Variants in CNR2 observed in about 807,000 individuals in gnomAD.
CNR2 encodes cannabinoid receptor 2, also known as cannabinoid receptor 2 (macrophage).
For missense variants in CNR2, 379 were observed against 439.9 expected (o/e 0.86, Z 1.24); for synonymous variants, 172 against 182.2 (o/e 0.94, Z 0.45).
intron 1 of CNR2, among the ~76,000 whole-genome samples, chr1:23,901,053 T>C (rs1253205848): frequency 6.6e-6 from 1 of 151,922 alleles, no homozygotes; most frequent in African/African-American, 2.4e-5. Flanking sequence ...TTTTTAATTG[T>C]AGGCAACCTT....
At chr1:23,889,709 G>A (rs1640153575) in intron 1 of CNR2, among the ~76,000 whole-genome samples, 1 of 152,116 alleles carries the variant, frequency 6.6e-6, no homozygotes, top group African/African-American at 2.4e-5. Flanking sequence ...TTAGCATGTT[G>A]GATCACAATG....
chr1:23,895,216 G>GA (rs934799373), intron 1 of CNR2, among the ~76,000 whole-genome samples: 12 of 150,656 alleles, frequency 8.0e-5, no homozygotes, highest in African/African-American at 9.7e-5. Flanking sequence ...GCAAAACTCA[G>GA]AAAAAAAAAG....
Position 23,888,158 on chromosome 1 carries a change from C to T in CNR2, c.-45-12496G>A, listed in dbSNP as rs572249343. On this transcript the variant is annotated intron_variant, in intron 1 of 1. Coordinates refer to ENST00000374472, the MANE Select transcript of CNR2 (RefSeq NM_001841.3). The stretch of plus-strand genomic sequence containing the variant: ...GGCTCAGACTTTCAGGACACATGTC[C>T]ACTGAGCCAGTGTACACCTTAAATA... Among the ~76,000 whole-genome samples, 25 of 152,288 alleles carry T rather than the reference C, an allele frequency of 1.6e-4. 1 individual carries two copies. In the South Asian group the frequency reaches 4.8e-3, roughly 29 times the overall value.
chr1:23,878,528 C>A (rs2148458210), intron 1 of CNR2, among the ~76,000 whole-genome samples: 1 of 151,970 alleles, frequency 6.6e-6, no homozygotes, highest in South Asian at 2.1e-4. Context: ...TACAGGTGTG[C>A]ACCACCATGC....
chr1:23,891,574 A>G (rs2502964), intron 1 of CNR2, among the ~76,000 whole-genome samples: 122,955 of 145,052 alleles, frequency 0.85, 52,153 homozygotes, highest in Admixed American at 0.86. Context: ...AGCCGAGATC[A>G]TGCCATTGCA....
In CNR2 at chr1:23,899,972, AG is replaced by A. The variant is rs369541769; in HGVS notation, c.-46+13273del. 5.6e-3 allele frequency among the ~76,000 whole-genome samples: 28 copies of A among 4,966 alleles called. No individual in the cohort carries two copies. The East Asian group carries it at 0.23, about 40-fold the overall frequency. The allele number at this position is 4,966 out of a possible 152,430, so 3.3% of individuals were successfully genotyped here. A position where few individuals can be genotyped will look rare whatever the true frequency, so the allele number is the denominator to read the frequency against. On this transcript the variant is annotated intron_variant, in intron 1 of 1. Coordinates refer to ENST00000374472, the MANE Select transcript of CNR2 (RefSeq NM_001841.3). ...AGAAAGAAAGGAAAGAAAGAAAGAA[AG>A]GAAAGAAAGAAAGAAAAGAAAGAAA...
chr1:23,886,573 C>A (rs1640093683), intron 1 of CNR2, among the ~76,000 whole-genome samples: 1 of 152,232 alleles, frequency 6.6e-6, no homozygotes. Context: ...CCCCCAACAT[C>A]CCTCTTCTAG....
intron 1 of CNR2, among the ~76,000 whole-genome samples, chr1:23,886,479 C>T (rs773189253): frequency 6.6e-6 from 1 of 152,212 alleles, no homozygotes; most frequent in African/African-American, 2.4e-5. Flanking sequence ...GCCCATATTT[C>T]CTGCCCTTAC....
intron 1 of CNR2, among the ~76,000 whole-genome samples, chr1:23,909,019 G>C (rs1640543004): frequency 6.6e-6 from 1 of 152,086 alleles, no homozygotes; most frequent in South Asian, 2.1e-4. Context: ...AGTGGAAGCA[G>C]GTGGGGGAGG....
intron 1 of CNR2, 58 bp from the exon 2 acceptor site, chr1:23,875,720 A>AC: frequency 7.3e-7 from 1 of 1,376,560 alleles, no homozygotes; most frequent in South Asian, 1.4e-5. Context: ...GAATGACCTC[A>AC]CCTGATAACT....
At chr1:23,903,255 C>T (rs1364256634) in intron 1 of CNR2, among the ~76,000 whole-genome samples, 1 of 152,170 alleles carries the variant, frequency 6.6e-6, no homozygotes, top group Non-Finnish European at 1.5e-5. Context: ...TGCCAGCATC[C>T]TCAAGGAGGG....
rs775303358 is a variant in CNR2, at chr1:23,875,464, C to A, written c.154G>T (p.Val52Leu). Residue 52 changes from valine to leucine, a missense_variant, in exon 2 of 2, where the codon GTG becomes TTG. Physicochemically the swap from Val to Leu is conservative, Grantham distance 32. Coordinates refer to ENST00000374472, the MANE Select transcript of CNR2 (RefSeq NM_001841.3). The part of the protein sequence containing the change: ...LLGLLSALEN[V>L]AVLYLILSSH... Reference sequence around the variant, plus strand: ...GACAGGATCAGATAGAGCACAGCCACGTTCTCCAGGGCACTTAGCAGGCCC... The same window carrying A: ...GACAGGATCAGATAGAGCACAGCCAAGTTCTCCAGGGCACTTAGCAGGCCC... 1 of 1,614,210 alleles carries A rather than the reference C, an allele frequency of 6.2e-7. No individual in the cohort carries two copies. The highest frequency in any genetic ancestry group is 8.5e-7 in the Non-Finnish European group (1 of 1,180,034).
chr1:23,897,559 C>G (rs1288838225), intron 1 of CNR2, among the ~76,000 whole-genome samples: 1 of 151,736 alleles, frequency 6.6e-6, no homozygotes, highest in African/African-American at 2.4e-5. Flanking sequence ...AATGCAAACT[C>G]TGCCTCCCGG....
chr1:23,897,445 T>TA (rs1640303180), intron 1 of CNR2, among the ~76,000 whole-genome samples: 1 of 151,162 alleles, frequency 6.6e-6, no homozygotes, highest in Admixed American at 6.6e-5. Context: ...ACTGAGAACT[T>TA]AAAAAAAATT....
At chr1:23,895,305 G>A (rs1640260778) in intron 1 of CNR2, among the ~76,000 whole-genome samples, 1 of 152,142 alleles carries the variant, frequency 6.6e-6, no homozygotes, top group South Asian at 2.1e-4. Context: ...TTATAATTCA[G>A]CAACTTCTCT....
At chr1:23,895,488 G>T (rs1313168765) in intron 1 of CNR2, among the ~76,000 whole-genome samples, 1 of 152,132 alleles carries the variant, frequency 6.6e-6, no homozygotes, top group Non-Finnish European at 1.5e-5. Context: ...GGCGGACAAA[G>T]CCAGGACCTG....
At chr1:23,890,248 G>A (rs1640162221) in intron 1 of CNR2, among the ~76,000 whole-genome samples, 1 of 117,968 alleles carries the variant, frequency 8.5e-6, no homozygotes, top group Non-Finnish European at 1.7e-5. Flanking sequence ...TACAGAGTGA[G>A]ACCTTGTCTC....
chr1:23,900,246 C>G (rs1282636016), intron 1 of CNR2, among the ~76,000 whole-genome samples: 1 of 152,126 alleles, frequency 6.6e-6, no homozygotes, highest in African/African-American at 2.4e-5. Flanking sequence ...TCCTGGCTCA[C>G]TGGCTCCCCG....
At chr1:23,888,267 A>C (rs1472301215) in intron 1 of CNR2, among the ~76,000 whole-genome samples, 1 of 152,188 alleles carries the variant, frequency 6.6e-6, no homozygotes, top group Admixed American at 6.5e-5. Flanking sequence ...CACAGTGAAG[A>C]GTGTTCTAGT....
Sources: gnomAD v4.1 joint callset for allele counts (sites outside exome capture counted in the v4.1 genomes callset) on GRCh38, gnomAD v4.1.1 for gene constraint, MANE v1.5 for transcripts, NCBI Gene and HGNC (gene_info 2026-07-23, HGNC 2026-07-21) for gene names.